Variants in MAP7 observed in about 807,000 individuals in gnomAD.
MAP7 encodes microtubule associated protein 7, also known as ensconsin.
In MAP7, 52 loss-of-function variants were observed where a neutral mutation model predicts 94.8. That is an observed-to-expected ratio of 0.55 (90% CI 0.44 to 0.69). The LOEUF (loss-of-function observed/expected upper bound fraction) is 0.69, where lower values mean the gene tolerates loss of function less well. Among genes scored for constraint, MAP7 ranks in the 30% least tolerant of loss-of-function variants. The probability of loss-of-function intolerance (pLI) is 0.00; values close to 1 mark genes in which losing one functional copy is unlikely to be tolerated. For missense variants in MAP7, 940 were observed against 964.6 expected, an observed-to-expected ratio of 0.97 and a Z score of 0.34; for synonymous variants, 350 against 357.0, an observed-to-expected ratio of 0.98 and a Z score of 0.22.
chr6:136,498,697 T>A (rs1583072172), intron 1 of MAP7, among the ~76,000 whole-genome samples: 1 of 151,756 alleles, frequency 6.6e-6, no homozygotes, highest in Non-Finnish European at 1.5e-5. Context: ...AACCAAGAGA[T>A]CCCACAAGCC....
chr6:136,433,740 T>C (rs1795601100), intron 1 of MAP7, among the ~76,000 whole-genome samples: 1 of 152,194 alleles, frequency 6.6e-6, no homozygotes, highest in Non-Finnish European at 1.5e-5. Context: ...GAAAGCATCG[T>C]GGGCTGCTGA....
intron 17 of MAP7, 73 bp from the exon 18 acceptor site, chr6:136,344,311 G>A (rs1284957588): frequency 3.0e-6 from 2 of 664,324 alleles, no homozygotes; most frequent in Non-Finnish European, 4.5e-6. Flanking sequence ...GAATACCATA[G>A]TAATACCTTA....
At chr6:136,504,048 T>G (rs1394248545) in intron 1 of MAP7, among the ~76,000 whole-genome samples, 5 of 152,180 alleles carry the variant, frequency 3.3e-5, no homozygotes, top group Non-Finnish European at 5.9e-5. Flanking sequence ...GCACTTAAAC[T>G]ATATTTATCA....
intron 3 of MAP7, among the ~76,000 whole-genome samples, chr6:136,393,515 T>A (rs572032014): frequency 6.6e-6 from 1 of 152,206 alleles, no homozygotes; most frequent in East Asian, 1.9e-4. Flanking sequence ...GACCCATGGA[T>A]GGCATTTGGA....
chr6:136,546,043 C>T (rs929839640), intron 1 of MAP7, among the ~76,000 whole-genome samples: 9 of 152,146 alleles, frequency 5.9e-5, no homozygotes, highest in South Asian at 2.1e-4. Flanking sequence ...GACATGGTCT[C>T]GCTCTGTCAC....
chr6:136,536,440 G>A (rs1828896042), intron 1 of MAP7, among the ~76,000 whole-genome samples: 1 of 152,056 alleles, frequency 6.6e-6, no homozygotes, highest in Admixed American at 6.5e-5. Context: ...TGGCAGCTTA[G>A]GAAGGATTAT....
Position 136,360,059 on chromosome 6 carries a change from A to T in MAP7, c.1804-28T>A, listed in dbSNP as rs139548622. 4.1e-5 allele frequency: 65 copies of T among 1,576,882 alleles called. No individual in the cohort carries two copies. The East Asian group carries it at 1.3e-3, about 32-fold the overall frequency. Reference sequence around the variant, plus strand: ...ATAGGAAAGGAAGAATTGAGCAAGAAGATTAGACACAGAAAAAAAGCCAGC... The same window carrying T: ...ATAGGAAAGGAAGAATTGAGCAAGATGATTAGACACAGAAAAAAAGCCAGC... On this transcript the variant is annotated intron_variant, in intron 13 of 17. Transcript: ENST00000354570.
At chr6:136,530,342 T>C (rs923649273) in intron 1 of MAP7, among the ~76,000 whole-genome samples, 2 of 152,244 alleles carry the variant, frequency 1.3e-5, no homozygotes, top group Non-Finnish European at 2.9e-5. Context: ...CCAAAATTCT[T>C]TTCCACGTTT....
intron 8 of MAP7, 113 bp downstream of exon 8, chr6:136,372,388 G>C: frequency 8.3e-7 from 1 of 1,209,824 alleles, no homozygotes; most frequent in Non-Finnish European, 1.1e-6. Context: ...TGGGATGGTG[G>C]ATGTCACGGT....
Position 136,493,071 on chromosome 6 carries a change from A to G in MAP7, c.67+57271T>C, listed in dbSNP as rs542502235. Among the ~76,000 whole-genome samples, 135 of 148,016 alleles carry G rather than the reference A, an allele frequency of 9.1e-4. 1 individual carries two copies. In the South Asian group the frequency reaches 0.026, roughly 29 times the overall value. On this transcript the variant is annotated intron_variant, in intron 1 of 17. Coordinates refer to ENST00000354570, the MANE Select transcript of MAP7 (RefSeq NM_003980.6). ...TAGTGCCAAGAAATGATGTGAAAGC[A>G]TTGTCTCATGTGTCTTCCCAGTTTT...
At chr6:136,430,757 T>G (rs542819581) in intron 1 of MAP7, among the ~76,000 whole-genome samples, 1 of 152,364 alleles carries the variant, frequency 6.6e-6, no homozygotes, top group East Asian at 1.9e-4. Flanking sequence ...TATCTGTGAC[T>G]GTGTTCTTTT....
intron 1 of MAP7, among the ~76,000 whole-genome samples, chr6:136,466,283 C>T (rs9373165): frequency 0.063 from 9,558 of 152,168 alleles, 606 homozygotes; most frequent in African/African-American, 0.16. Flanking sequence ...AGAAAAGCAA[C>T]CATTTTTCAA....
intron 1 of MAP7, among the ~76,000 whole-genome samples, chr6:136,480,784 T>C (rs1812607883): frequency 1.3e-5 from 2 of 151,648 alleles, no homozygotes; most frequent in East Asian, 3.9e-4. Context: ...GATCACTTCA[T>C]GTTAAAAAGC....
intron 1 of MAP7, among the ~76,000 whole-genome samples, chr6:136,513,226 C>A (rs186427462): frequency 2.6e-5 from 4 of 152,116 alleles, no homozygotes; most frequent in African/African-American, 9.7e-5. Context: ...CTGTTGTATG[C>A]GATGTTGTGT....
At chr6:136,519,007 T>G (rs1218304416) in intron 1 of MAP7, among the ~76,000 whole-genome samples, 1 of 152,208 alleles carries the variant, frequency 6.6e-6, no homozygotes, top group Non-Finnish European at 1.5e-5. Flanking sequence ...ACTTTGGTTA[T>G]ACACAGGTTA....
At chr6:136,469,799 G>A (rs535071913) in intron 1 of MAP7, among the ~76,000 whole-genome samples, 1 of 152,248 alleles carries the variant, frequency 6.6e-6, no homozygotes, top group Non-Finnish European at 1.5e-5. Flanking sequence ...GGAAATCAAG[G>A]GGAAATAAAA....
At chr6:136,411,567 T>C in intron 3 of MAP7, 53 bp downstream of exon 3, 3 of 1,454,826 alleles carry the variant, frequency 2.1e-6, no homozygotes, top group Admixed American at 4.1e-5. Flanking sequence ...AAGACCACGG[T>C]ATTATAGTGA....
chr6:136,360,872 G>A lies in MAP7; in HGVS notation c.1702-74C>T, dbSNP rs1554230607. Reference sequence around the variant, plus strand: ...CGGGTCTCCCAGGGGGTGCCCAGAGGTGGGGGCGAGGTGGCGGATGGAGAA... The same window carrying A: ...CGGGTCTCCCAGGGGGTGCCCAGAGATGGGGGCGAGGTGGCGGATGGAGAA... On this transcript the variant is annotated intron_variant, in intron 12 of 17. Coordinates refer to ENST00000354570, the MANE Select transcript of MAP7 (RefSeq NM_003980.6). The A allele has an allele frequency of 3.8e-6, 6 of 1,572,358 alleles. No homozygotes were observed. The South Asian group carries it at 6.7e-5, about 17-fold the overall frequency.
rs528772269 is a variant in MAP7, at chr6:136,353,692, T to G, written c.2015+3000A>C. ...CCTCAGCCCCCCAAGTAGCTGGGAC[T>G]ACAGTTGTGTGCCACCATGCCTGGC... On this transcript the variant is annotated intron_variant, in intron 16 of 17. Coordinates refer to ENST00000354570, the MANE Select transcript of MAP7 (RefSeq NM_003980.6). 4.6e-5 allele frequency among the ~76,000 whole-genome samples: 7 copies of G among 152,294 alleles called. No individual in the cohort carries two copies. In the South Asian group the frequency reaches 1.5e-3, roughly 32 times the overall value.
Sources: gnomAD v4.1 joint callset for allele counts (sites outside exome capture counted in the v4.1 genomes callset) on GRCh38, gnomAD v4.1.1 for gene constraint, MANE v1.5 for transcripts, NCBI Gene and HGNC (gene_info 2026-07-23, HGNC 2026-07-21) for gene names.